Variants in STARD9 observed in about 807,000 individuals in gnomAD.
The protein encoded by STARD9 is StAR related lipid transfer domain containing 9.
A neutral mutation model predicts 399.8 loss-of-function variants in STARD9; 346 were observed. The observed-to-expected ratio is 0.87, with a 90% CI of 0.79 to 0.95. The LOEUF (loss-of-function observed/expected upper bound fraction) is 0.95, where lower values mean the gene tolerates loss of function less well. Among genes scored for constraint, STARD9 ranks in the 40% least tolerant of loss-of-function variants. STARD9 has a pLI of 0.00. For synonymous variants in STARD9, 2,203 were observed against 2,143.5 expected, an observed-to-expected ratio of 1.03 and a Z score of -0.77; for missense variants, 5,832 against 5,667.5, an observed-to-expected ratio of 1.03 and a Z score of -0.93.
Position 42,684,382 on chromosome 15 carries a change from A to G in STARD9, c.2804A>G (p.Glu935Gly). Residue 935 changes from glutamate to glycine, a missense_variant, in exon 23 of 33, where the codon GAG (glutamate) becomes GGG (glycine). Glu to Gly is a moderately conservative substitution (Grantham distance 98). Transcript: ENST00000290607. ...SPNSVGIQEM[E>G]MGVKQPHQMV... ...AACTCTGTTGGCATCCAGGAAATGGAGATGGGGGTTAAGCAGCCCCATCAG... is the reference window on the plus strand; with the variant it reads ...AACTCTGTTGGCATCCAGGAAATGGGGATGGGGGTTAAGCAGCCCCATCAG... 1 of 1,537,070 alleles carries G rather than the reference A, an allele frequency of 6.5e-7. No individual in the cohort carries two copies. Among genetic ancestry groups the G allele is most frequent in the Non-Finnish European group, 8.7e-7 (1 of 1,146,848 alleles).
chr15:42,710,414 T>A lies in STARD9; in HGVS notation c.13285-6263T>A, dbSNP rs187356896. The stretch of plus-strand genomic sequence containing the variant: ...TATTGTTATAATCCATTGGCTTTAG[T>A]ATATTCATAGAGTTGTGTATCCATC... On this transcript the variant is annotated intron_variant, in intron 26 of 32. Transcript: ENST00000290607. Among the ~76,000 whole-genome samples the A allele has an allele frequency of 9.2e-5, 14 of 152,252 alleles. No homozygotes were observed. In the East Asian group the frequency reaches 2.5e-3, roughly 27 times the overall value.
In STARD9 at chr15:42,684,346, C is replaced by G; in HGVS notation, c.2768C>G (p.Thr923Ser). The G allele has an allele frequency of 1.3e-6, 2 of 1,536,434 alleles. No individual in the cohort carries two copies. Among genetic ancestry groups the G allele is most frequent in the Middle Eastern group, 1.7e-4 (1 of 5,990 alleles). The change falls in exon 23 of 33, where the codon ACC (threonine) becomes AGC (serine). Residue 923 changes from threonine (T) to serine (S), a missense_variant. Thr to Ser is a moderately conservative substitution (Grantham distance 58). Around this residue, in one of 2 missense-constraint regions of STARD9, gnomAD observed 5,828 missense variants for 5,651.1 expected, o/e 1.03. Coordinates refer to ENST00000290607, the MANE Select transcript of STARD9 (RefSeq NM_020759.3). ...GCCTCAGCTCCAGACGCTTGCCTCA[C>G]CATGAGTCCCAACTCTGTTGGCATC... is the stretch of plus-strand genomic sequence containing the variant. ...KGASAPDACL[T>S]MSPNSVGIQE...
chr15:42,656,899 G>A (rs968202850), intron 9 of STARD9, among the ~76,000 whole-genome samples: 13 of 152,090 alleles, frequency 8.5e-5, no homozygotes, highest in African/African-American at 2.9e-4. Flanking sequence ...TACACATTGG[G>A]TACAGGGTAC....
intron 13 of STARD9, among the ~76,000 whole-genome samples, chr15:42,664,789 A>AACACACACACACACAC (rs55773330): frequency 6.9e-4 from 100 of 144,822 alleles, no homozygotes; most frequent in African/African-American, 2.4e-3. Flanking sequence ...TTTATCCTTT[A>AACACACACACACACAC]ACACACACAC....
rs1417069940 is a variant in STARD9, at chr15:42,687,494, G to A, written c.5916G>A (p.Trp1972Ter). ...VAQGGGPTPK[W>*]EGKNETGLLE... The stretch of plus-strand genomic sequence containing the variant: ...AGGGTGGTGGCCCAACCCCTAAGTG[G>A]GAAGGGAAAAATGAAACTGGGCTTC... The change falls in exon 23 of 33, where the codon TGG becomes TGA. Residue 1972 changes from tryptophan to a stop codon, truncating the protein, a stop_gained. Transcript: ENST00000290607. LOFTEE classifies it high-confidence loss of function. 6.5e-7 allele frequency: 1 copy of A among 1,537,092 alleles called. No homozygotes were observed. The highest frequency in any genetic ancestry group is 2.0e-5 in the Admixed American group (1 of 50,998).
intron 1 of STARD9, among the ~76,000 whole-genome samples, chr15:42,581,754 T>G (rs2058177241): frequency 6.6e-6 from 1 of 152,144 alleles, no homozygotes; most frequent in Non-Finnish European, 1.5e-5. Context: ...GTCTGTAAAA[T>G]AGGGATAACT....
chr15:42,687,383 T>C lies in STARD9; in HGVS notation c.5805T>C (p.Leu1935=), dbSNP rs1306800420. ...TGAGGCAGACCATCAATGTAAGCCT[T>C]GAGAAAGACATGCCAGGGGAAAGTG... The part of the protein sequence containing the change: ...TVLRQTINVS[L]EKDMPGESAV... The change falls in exon 23 of 33, where the codon CTT becomes CTC. Residue 1935 remains leucine (L), a synonymous_variant. Transcript: ENST00000290607. The C allele has an allele frequency of 3.3e-6, 5 of 1,536,798 alleles. No homozygotes were observed. Among genetic ancestry groups the C allele is most frequent in the East Asian group, 2.4e-5 (1 of 40,916 alleles).
intron 9 of STARD9, among the ~76,000 whole-genome samples, chr15:42,658,526 A>G (rs1262004033): frequency 1.4e-5 from 2 of 143,846 alleles, no homozygotes; most frequent in Non-Finnish European, 3.0e-5. Context: ...TCTGTCACCC[A>G]GGCTGGAGCA....
intron 28 of STARD9, 37 bp from the exon 29 acceptor site, chr15:42,717,694 G>C (rs1189813213): frequency 1.3e-6 from 2 of 1,528,808 alleles, no homozygotes; most frequent in Non-Finnish European, 1.8e-6. Context: ...AGTTTTTACT[G>C]TGCCTCCTAA....
chr15:42,713,325 G>T (rs1013225006), intron 26 of STARD9, among the ~76,000 whole-genome samples: 14 of 152,064 alleles, frequency 9.2e-5, no homozygotes, highest in Admixed American at 9.2e-4. Context: ...AGTTCTGATG[G>T]TTTTTTAAAA....
At chr15:42,717,145 G>A (rs903997454) in intron 28 of STARD9, 97 bp downstream of exon 28, 1 of 1,377,498 alleles carries the variant, frequency 7.3e-7, no homozygotes, top group Admixed American at 2.1e-5. Context: ...GGCAGATGAG[G>A]AGCCCAAGGC....
rs1314549549 is a variant in STARD9 at position 42,692,156 on chromosome 15, C to T, written c.10578C>T (p.His3526=). The T allele has an allele frequency of 3.3e-6, 5 of 1,537,204 alleles. No homozygotes were observed. Among genetic ancestry groups the T allele is most frequent in the African/African-American group, 1.4e-5 (1 of 73,168 alleles). Residue 3526 remains histidine, a synonymous_variant, in exon 23 of 33, where the codon CAC becomes CAT. Coordinates refer to ENST00000290607, the MANE Select transcript of STARD9 (RefSeq NM_020759.3). ...TAGAAGACCAGAACTCCCCTTTCCA[C>T]TCCCACCTCAGCACTTACGCCAATA... is the stretch of plus-strand genomic sequence containing the variant. The part of the protein sequence containing the change: ...NGLEDQNSPF[H]SHLSTYANIC...
chr15:42,623,897 T>G (rs931904033), intron 3 of STARD9, among the ~76,000 whole-genome samples: 1 of 152,232 alleles, frequency 6.6e-6, no homozygotes, highest in Non-Finnish European at 1.5e-5. Context: ...TTATCAGGGA[T>G]AGTATCTGGT....
Position 42,687,729 on chromosome 15 carries a change from A to G in STARD9, c.6151A>G (p.Ile2051Val), listed in dbSNP as rs767767812. The G allele has an allele frequency of 2.3e-5, 35 of 1,537,430 alleles. No individual in the cohort carries two copies. The African/African-American group carries it at 3.8e-4, about 17-fold the overall frequency. ...TAATACTGATGAAATGGCTAGGCTA[A>G]TTAGGAGTGTAATGCAGCTGGAAAA... ...VNNTDEMARL[I>V]RSVMQLENGI... The change falls in exon 23 of 33, where the codon ATT (isoleucine) becomes GTT (valine). Residue 2051 changes from isoleucine to valine, a missense_variant. Transcript: ENST00000290607.
intron 1 of STARD9, chr15:42,581,256 G>A: frequency 1.2e-6 from 1 of 858,878 alleles, no homozygotes; most frequent in Non-Finnish European, 2.0e-6. Flanking sequence ...TGACTCCCGG[G>A]ATATTGGGCA....
rs1566949007 is a variant in STARD9, at chr15:42,692,807, C to T, written c.11229C>T (p.Pro3743=). The change falls in exon 23 of 33, where the codon CCC becomes CCT. Residue 3743 remains proline (P), a synonymous_variant. Transcript: ENST00000290607. The stretch of plus-strand genomic sequence containing the variant: ...GCAGCCAGACTGACCTCACCTTACC[C>T]ACCCTGTGCCTCCAGACTTCAGAGG... ...DEGSQTDLTL[P]TLCLQTSEAE... The T allele has an allele frequency of 1.3e-6, 2 of 1,537,226 alleles. No homozygotes were observed. The highest frequency in any genetic ancestry group is 4.9e-5 in the East Asian group (2 of 40,914).
chr15:42,640,146 G>C (rs1256863168), intron 7 of STARD9, among the ~76,000 whole-genome samples: 1 of 152,106 alleles, frequency 6.6e-6, no homozygotes, highest in Non-Finnish European at 1.5e-5. Context: ...TTGAACTCCT[G>C]GCCTCAAGTG....
intron 3 of STARD9, among the ~76,000 whole-genome samples, chr15:42,624,705 C>A (rs147467293): frequency 5.3e-5 from 8 of 151,976 alleles, no homozygotes; most frequent in Non-Finnish European, 1.0e-4. Context: ...TGCGCCACCA[C>A]GCCCAGCTAA....
chr15:42,656,327 TAAAAAAAAAAAAAA>T (rs869264641), intron 9 of STARD9, among the ~76,000 whole-genome samples: 318 of 35,306 alleles, frequency 9.0e-3, no homozygotes, highest in African/African-American at 0.022. Context: ...AGCCATCTCC[TAAAAAAAAAAAAAA>T]AAAAAAAAAA....
Sources: allele counts gnomAD v4.1 joint callset (sites outside exome capture counted in the v4.1 genomes callset), GRCh38; gene constraint gnomAD v4.1.1; regional missense constraint gnomAD v4.1.1; transcripts MANE v1.5; gene names NCBI Gene and HGNC (gene_info 2026-07-23, HGNC 2026-07-21).